OSBPL5: variants seen among roughly 807,000 people sequenced by gnomAD.
OSBPL5 encodes the protein oxysterol-binding protein-related protein 5.
Under a neutral mutation model 111.2 loss-of-function variants are expected in OSBPL5, and 71 were observed. That is an observed-to-expected ratio of 0.64 (90% confidence interval 0.53 to 0.78). OSBPL5 has a LOEUF of 0.78. Among genes scored for constraint, OSBPL5 ranks in the 30% least tolerant of loss-of-function variants. OSBPL5 has a pLI of 0.00. For missense variants in OSBPL5, 1,210 were observed against 1,189.3 expected (o/e 1.02, Z -0.26); for synonymous variants, 549 against 513.9 (o/e 1.07, Z -0.93).
rs369597989 is a variant in OSBPL5, at chr11:3,108,831, C to T, written c.692-886G>A. Among the ~76,000 whole-genome samples, 31 of 152,330 alleles carry T rather than the reference C, an allele frequency of 2.0e-4. No individual in the cohort carries two copies. In the East Asian group the frequency reaches 2.1e-3, roughly 10 times the overall value. ...TTGCCCAGGTGGGAGCACAATGGCA[C>T]GATCTCAGCTCACCGCAACCTCTGC... On this transcript the variant is annotated intron_variant, in intron 7 of 21. Transcript: ENST00000263650.
chr11:3,103,780 T>TGC (rs1857565423), intron 10 of OSBPL5, among the ~76,000 whole-genome samples: 1 of 49,756 alleles, frequency 2.0e-5, no homozygotes, highest in Admixed American at 2.2e-4. Context: ...TTCCAGCCTC[T>TGC]GCAGTCCCTT....
rs760010027 is a variant in OSBPL5, at chr11:3,106,243, G to A, written c.1059+1020C>T. 3.4e-4 allele frequency among the ~76,000 whole-genome samples: 52 copies of A among 152,194 alleles called. 1 individual carries two copies. Among genetic ancestry groups the A allele is most frequent in the Middle Eastern group, 3.4e-3 (1 of 294 alleles). ...CCTGTGCAGAGCAAGATGCGAACAC[G>A]ACGCTGTCCAAACAACAGCAAGGAA... On this transcript the variant is annotated intron_variant, in intron 9 of 21. Transcript: ENST00000263650. This position sits in a 1 kb window ranked among gnomAD's most constrained non-coding sequence, Gnocchi z 8.4.
chr11:3,147,225 C>T (rs1377959525), intron 1 of OSBPL5, among the ~76,000 whole-genome samples: 3 of 152,142 alleles, frequency 2.0e-5, no homozygotes, highest in Non-Finnish European at 4.4e-5. Flanking sequence ...AGGGCTGGGC[C>T]GGGCCCACCC....
chr11:3,089,361 A>G (rs1375483854), intron 21 of OSBPL5, among the ~76,000 whole-genome samples: 4 of 152,154 alleles, frequency 2.6e-5, no homozygotes, highest in East Asian at 3.9e-4. Flanking sequence ...TCTGCTCCTC[A>G]TTGGTGGGAT....
rs1286463623 is a variant in OSBPL5 at position 3,090,053 on chromosome 11, G to C, written c.2399-105C>G. The C allele has an allele frequency of 3.7e-6, 3 of 804,958 alleles. No individual in the cohort carries two copies. The East Asian group carries it at 8.4e-5, about 23-fold the overall frequency. 49.9% of individuals were successfully genotyped at this position (804,958 alleles called of 1,614,324 possible). On this transcript the variant is annotated intron_variant, in intron 20 of 21. Coordinates refer to ENST00000263650, the MANE Select transcript of OSBPL5 (RefSeq NM_020896.4). ...GGTCACAGGGTCATATCCAGCTCGG[G>C]CCTCCACCCCACCTCATGGGAAACC... is the stretch of plus-strand genomic sequence containing the variant.
At chr11:3,164,752 C>A (rs1405608970) in intron 1 of OSBPL5, among the ~76,000 whole-genome samples, 1 of 152,234 alleles carries the variant, frequency 6.6e-6, no homozygotes, top group African/African-American at 2.4e-5. Flanking sequence ...ATCCCAGACC[C>A]CCTGCAGACC....
rs1184749218 is a variant in OSBPL5, at chr11:3,146,310, CTT to C, written c.-21-17143_-21-17142del. ...GGAAACCCCCAGGGCGTGTGGGACT[CTT>C]TGAGGAGACAGAGCTCACTCCGGGG... is the stretch of plus-strand genomic sequence containing the variant. On this transcript the variant is annotated intron_variant, in intron 1 of 21. Coordinates refer to ENST00000263650, the MANE Select transcript of OSBPL5 (RefSeq NM_020896.4). This position sits in a 1 kb window ranked among gnomAD's most constrained non-coding sequence, Gnocchi z 7.8. 1 of 152,156 alleles carries C rather than the reference CTT, an allele frequency of 6.6e-6. No homozygotes were observed. The highest frequency in any genetic ancestry group is 1.5e-5 in the Non-Finnish European group (1 of 68,088). 9.4% of individuals were successfully genotyped at this position (152,156 alleles called of 1,614,324 possible). A position where few individuals can be genotyped will look rare whatever the true frequency, so the allele number is the denominator to read the frequency against.
intron 21 of OSBPL5, among the ~76,000 whole-genome samples, chr11:3,088,589 G>A (rs1856954111): frequency 6.6e-6 from 1 of 152,104 alleles, no homozygotes; most frequent in Non-Finnish European, 1.5e-5. Flanking sequence ...GTCAGGGATT[G>A]GGGAGTCAGC....
chr11:3,147,076 G>A (rs1846377597), intron 1 of OSBPL5, among the ~76,000 whole-genome samples: 10 of 152,022 alleles, frequency 6.6e-5, no homozygotes, highest in Admixed American at 6.6e-4. Flanking sequence ...CTCACGTCCT[G>A]GGCTTCACTT....
intron 14 of OSBPL5, among the ~76,000 whole-genome samples, chr11:3,095,466 C>T (rs1451349379): frequency 6.6e-6 from 1 of 152,150 alleles, no homozygotes; most frequent in African/African-American, 2.4e-5. Flanking sequence ...GTCCTAGGTG[C>T]ACACATGGTC....
At chr11:3,100,382 G>A in intron 13 of OSBPL5, 126 bp from the exon 14 acceptor site, 1 of 741,762 alleles carries the variant, frequency 1.3e-6, no homozygotes, top group South Asian at 1.6e-5. Flanking sequence ...TTCCAGTGGT[G>A]TGTCTGTGCG....
chr11:3,123,146 G>A (rs1237850531), intron 3 of OSBPL5, among the ~76,000 whole-genome samples: 1 of 152,202 alleles, frequency 6.6e-6, no homozygotes, highest in African/African-American at 2.4e-5. Flanking sequence ...CACGGGCCCA[G>A]GGCGGCAGTC....
intron 1 of OSBPL5, among the ~76,000 whole-genome samples, chr11:3,151,890 T>C (rs1846604194): frequency 6.6e-6 from 1 of 152,212 alleles, no homozygotes; most frequent in Non-Finnish European, 1.5e-5. Context: ...CGGCTGCTCC[T>C]GGAGAGGGGC....
chr11:3,088,701 A>T (rs1856957361), intron 21 of OSBPL5, among the ~76,000 whole-genome samples: 1 of 152,068 alleles, frequency 6.6e-6, no homozygotes, highest in Admixed American at 6.6e-5. Flanking sequence ...ATAAGACTGT[A>T]TTTGGAGATG....
chr11:3,119,857 A>G, intron 6 of OSBPL5: 1 of 523,362 alleles, frequency 1.9e-6, no homozygotes, highest in Non-Finnish European at 3.3e-6. Flanking sequence ...CTCTGCCCTC[A>G]GCTTTCCAGC....
Position 3,107,758 on chromosome 11 carries a change from T to TC in OSBPL5, c.866+12dup, listed in dbSNP as rs759365415. On this transcript the variant is annotated intron_variant, in intron 8 of 21. Transcript: ENST00000263650. The surrounding 1 kb of genome is among the most constrained non-coding windows in gnomAD (Gnocchi z 6.1). The stretch of plus-strand genomic sequence containing the variant: ...TGAATCACCACCAGCCCCTGTGCCC[T>TC]CGCCCCACTCACGGGAACAGGTCTT... The TC allele has an allele frequency of 1.1e-5, 18 of 1,609,796 alleles. No homozygotes were observed. In the African/African-American group the frequency reaches 2.3e-4, roughly 20 times the overall value.
chr11:3,099,565 A>T (rs1320078619), intron 14 of OSBPL5, among the ~76,000 whole-genome samples: 2 of 152,238 alleles, frequency 1.3e-5, no homozygotes, highest in Non-Finnish European at 2.9e-5. Context: ...AAAATAAAAA[A>T]GAAATCCAAA....
chr11:3,140,993 G>A lies in OSBPL5; in HGVS notation c.-21-11824C>T, dbSNP rs1846095608. Reference sequence around the variant, plus strand: ...GTCAGGGGTCACACACTGCAGAGAAGAAGACACAAAGCCTGGCAGGTAGGA... The same window carrying A: ...GTCAGGGGTCACACACTGCAGAGAAAAAGACACAAAGCCTGGCAGGTAGGA... On this transcript the variant is annotated intron_variant, in intron 1 of 21. Coordinates refer to ENST00000263650, the MANE Select transcript of OSBPL5 (RefSeq NM_020896.4). The surrounding 1 kb of genome is among the most constrained non-coding windows in gnomAD (Gnocchi z 4.5). 6.6e-6 allele frequency among the ~76,000 whole-genome samples: 1 copy of A among 152,186 alleles called. No individual in the cohort carries two copies. The highest frequency in any genetic ancestry group is 1.5e-5 in the Non-Finnish European group (1 of 68,032).
chr11:3,097,390 C>T (rs559008644), intron 14 of OSBPL5, among the ~76,000 whole-genome samples: 5 of 152,042 alleles, frequency 3.3e-5, no homozygotes, highest in Admixed American at 6.5e-5. Context: ...GCCTGCGCTC[C>T]GGGGTTAAAA....
Sources: allele counts gnomAD v4.1 joint callset (sites outside exome capture counted in the v4.1 genomes callset), GRCh38; gene constraint gnomAD v4.1.1; non-coding constraint Gnocchi (gnomAD v3.1); transcripts MANE v1.5; gene names NCBI Gene and HGNC (gene_info 2026-07-23, HGNC 2026-07-21).